The following SP140 variants were observed in gnomAD, a reference collection of about 807,000 sequenced individuals.
SP140 encodes nuclear body protein SP140.
SP140 carries 81 observed loss-of-function variants against 125.0 expected under a neutral mutation model. The observed-to-expected ratio is 0.65, with a 90% CI of 0.54 to 0.78. The LOEUF (loss-of-function observed/expected upper bound fraction) is 0.78, where lower values mean the gene tolerates loss of function less well. Among genes scored for constraint, SP140 ranks in the 30% least tolerant of loss-of-function variants. The pLI is 0.00. For missense variants in SP140, 858 were observed against 1,037.0 expected (o/e 0.83, Z 2.37); for synonymous variants, 312 against 354.0 (o/e 0.88, Z 1.33).
rs549852188 is a variant in SP140, at chr2:230,216,996, G to A, written c.-91+2922G>A. 3.4e-4 allele frequency: 486 copies of A among 1,436,030 alleles called. 1 individual carries two copies. The African/African-American group carries it at 6.1e-3, about 18-fold the overall frequency. The allele number at this position is 1,436,030 out of a possible 1,614,324, so 89.0% of individuals were successfully genotyped here. A position where few individuals can be genotyped will look rare whatever the true frequency, so the allele number is the denominator to read the frequency against. On this transcript the variant is annotated intron_variant, in intron 3 of 4. Coordinates refer to the SP140 transcript ENST00000456542. ...CGCGGTGGCTCATGCCTGTAATCCC[G>A]GCACTTTGGGAGGCCGAGGTGGGTG...
chr2:230,190,452 A>G, the SP140 span, among the ~76,000 whole-genome samples: 1 of 151,888 alleles, frequency 6.6e-6, no homozygotes, highest in African/African-American at 2.4e-5. Flanking sequence ...AATTCTGGAT[A>G]TTAAACCTTT....
intron 3 of SP140, chr2:230,214,862 C>A: frequency 9.3e-7 from 1 of 1,079,822 alleles, no homozygotes; most frequent in South Asian, 1.3e-5. Flanking sequence ...GGGGGATTAA[C>A]GTGCATATTC....
At chr2:230,265,683 G>A (rs1205430405) in intron 12 of SP140, among the ~76,000 whole-genome samples, 5 of 152,022 alleles carry the variant, frequency 3.3e-5, no homozygotes, top group South Asian at 2.1e-4. Context: ...AGGTAAAGTC[G>A]GAAACTTCTC....
intron 12 of SP140, among the ~76,000 whole-genome samples, chr2:230,267,563 C>T (rs1412506428): frequency 6.6e-6 from 1 of 152,160 alleles, no homozygotes; most frequent in Non-Finnish European, 1.5e-5. Flanking sequence ...GACAAAACCT[C>T]CCCATTGCAA....
At chr2:230,190,155 T>C in the SP140 span, among the ~76,000 whole-genome samples, 1 of 152,332 alleles carries the variant, frequency 6.6e-6, no homozygotes, top group East Asian at 1.9e-4. Context: ...GTTGAACTAA[T>C]TTACACTCCC....
At position 230,227,262 on chromosome 2, in the gene SP140, A is replaced by C. The variant is rs193205648; in HGVS notation, c.59+1359A>C. 9.0e-4 allele frequency among the ~76,000 whole-genome samples: 137 copies of C among 152,344 alleles called. 1 individual carries two copies. The highest frequency in any genetic ancestry group is 1.7e-3 in the Non-Finnish European group (118 of 68,016). ...TGCTATTATCAGCAGTAGTGGTGGC[A>C]CCAGACTGGTTTTCAGTGCCCAGTG... On this transcript the variant is annotated intron_variant, in intron 1 of 26. Coordinates refer to ENST00000392045, the MANE Select transcript of SP140 (RefSeq NM_007237.5).
chr2:230,300,046 A>G (rs1389782451), intron 22 of SP140, among the ~76,000 whole-genome samples: 1 of 152,152 alleles, frequency 6.6e-6, no homozygotes, highest in African/African-American at 2.4e-5. Flanking sequence ...AAGACAAAAG[A>G]CAGGGGCTCA....
chr2:230,198,344 G>A (rs183495652), upstream of SP140, among the ~76,000 whole-genome samples: 14 of 152,316 alleles, frequency 9.2e-5, no homozygotes, highest in African/African-American at 3.1e-4. Context: ...CAAGGGGGAT[G>A]ATAATGGAGC....
chr2:230,309,077 CAAATG>C (rs1211700628), intron 22 of SP140, among the ~76,000 whole-genome samples: 1 of 152,158 alleles, frequency 6.6e-6, no homozygotes, highest in Non-Finnish European at 1.5e-5. Context: ...TTAATTTCCC[CAAATG>C]AAATTAAATC....
chr2:230,224,802 C>G (rs1016232749), upstream of SP140, among the ~76,000 whole-genome samples: 11 of 152,126 alleles, frequency 7.2e-5, no homozygotes, highest in Non-Finnish European at 1.6e-4. Flanking sequence ...TGTCACTGGC[C>G]CTGGATTCTA....
At chr2:230,259,514 C>T (rs2149282072) in intron 12 of SP140, among the ~76,000 whole-genome samples, 1 of 140,996 alleles carries the variant, frequency 7.1e-6, no homozygotes, top group East Asian at 2.0e-4. Flanking sequence ...CCCGCCTCCG[C>T]TAAAAAAAAA....
At chr2:230,218,184 A>G (rs139144215) in intron 3 of SP140, among the ~76,000 whole-genome samples, 57 of 152,364 alleles carry the variant, frequency 3.7e-4, no homozygotes, top group African/African-American at 1.3e-3. Flanking sequence ...TTTTTAACAA[A>G]CAGAACAAAC....
At chr2:230,315,723 G>A (rs374664333), downstream of SP140, among the ~76,000 whole-genome samples, 63 of 152,256 alleles carry the variant, frequency 4.1e-4, no homozygotes, top group African/African-American at 1.4e-3. Flanking sequence ...TTCTTGGGGA[G>A]TGATAGAGAT....
the SP140 span, among the ~76,000 whole-genome samples, chr2:230,197,294 T>G: frequency 6.6e-6 from 1 of 150,856 alleles, no homozygotes; most frequent in Non-Finnish European, 1.5e-5. Context: ...TGATGGCCAG[T>G]GATGATGAGC....
At chr2:230,297,920 G>A (rs2057908034) in intron 22 of SP140, among the ~76,000 whole-genome samples, 2 of 152,214 alleles carry the variant, frequency 1.3e-5, no homozygotes, top group African/African-American at 4.8e-5. Flanking sequence ...TCAGCCAGAA[G>A]GAACAGACCA....
intron 15 of SP140, 72 bp downstream of exon 15, chr2:230,270,711 T>C (rs1026973079): frequency 9.6e-6 from 13 of 1,349,370 alleles, no homozygotes; most frequent in Non-Finnish European, 1.4e-5. Context: ...TTTAATTTTG[T>C]CATTGTTACT....
intron 16 of SP140, among the ~76,000 whole-genome samples, chr2:230,285,059 A>G (rs2056178748): frequency 6.6e-6 from 1 of 152,218 alleles, no homozygotes; most frequent in Non-Finnish European, 1.5e-5. Flanking sequence ...ATATGCAAAA[A>G]GAAAAGACTA....
chr2:230,302,762 A>C (rs2058405798), intron 22 of SP140, among the ~76,000 whole-genome samples: 1 of 152,228 alleles, frequency 6.6e-6, no homozygotes. Context: ...AGGAACCCTC[A>C]AAACCAGGCA....
intron 15 of SP140, among the ~76,000 whole-genome samples, chr2:230,279,084 A>G (rs1575171963): frequency 6.6e-6 from 1 of 152,274 alleles, no homozygotes; most frequent in East Asian, 1.9e-4. Flanking sequence ...CAATAGCAAC[A>G]AAAAGAATAA....
Sources: gnomAD v4.1 joint callset for allele counts (sites outside exome capture counted in the v4.1 genomes callset) on GRCh38, gnomAD v4.1.1 for gene constraint, MANE v1.5 for transcripts, NCBI Gene and HGNC (gene_info 2026-07-23, HGNC 2026-07-21) for gene names.